The following SLC44A5 variants were observed in gnomAD, a reference collection of about 807,000 sequenced individuals.
The protein encoded by SLC44A5 is choline transporter-like protein 5.
SLC44A5 carries 57 observed loss-of-function variants against 101.8 expected under a neutral mutation model. The ratio of observed to expected loss-of-function variants is 0.56; its 90% CI spans 0.45 to 0.70. The LOEUF (loss-of-function observed/expected upper bound fraction) is 0.70, where lower values mean the gene tolerates loss of function less well. SLC44A5 is among the 30% of genes least tolerant of loss of function. SLC44A5 has a pLI of 0.00. For missense variants in SLC44A5, 737 were observed against 853.1 expected (o/e 0.86, Z 1.70); for synonymous variants, 281 against 290.9 (o/e 0.97, Z 0.35).
intron 19 of SLC44A5, 135 bp from the exon 20 acceptor site, chr1:75,214,813 G>A (rs1646929519): frequency 3.0e-6 from 2 of 662,936 alleles, no homozygotes; most frequent in South Asian, 4.1e-5. Context: ...TTTCTAATGT[G>A]TATTTGTGGG....
chr1:75,619,083 G>GC, the SLC44A5 span, among the ~76,000 whole-genome samples: 2 of 85,044 alleles, frequency 2.4e-5, no homozygotes, highest in Non-Finnish European at 4.8e-5. Context: ...AAAAAAAGGG[G>GC]GGGGGGAAGG....
chr1:75,688,924 T>A, the SLC44A5 span, among the ~76,000 whole-genome samples: 6 of 152,334 alleles, frequency 3.9e-5, no homozygotes, highest in East Asian at 5.8e-4. Flanking sequence ...AATGAGGCTG[T>A]AATTCCCTCA....
intron 3 of SLC44A5, among the ~76,000 whole-genome samples, chr1:75,389,170 C>G (rs1661618246): frequency 6.6e-6 from 1 of 152,202 alleles, no homozygotes; most frequent in South Asian, 2.1e-4. Flanking sequence ...CTGGAGCACT[C>G]AGATTCATAA....
intron 9 of SLC44A5, among the ~76,000 whole-genome samples, chr1:75,240,967 A>G (rs11162880): frequency 0.27 from 41,492 of 151,862 alleles, 5,867 homozygotes; most frequent in Middle Eastern, 0.34. Context: ...TTATAAGGAT[A>G]GTAACAGTTT....
the SLC44A5 span, among the ~76,000 whole-genome samples, chr1:75,656,289 C>T: frequency 6.6e-6 from 1 of 152,200 alleles, no homozygotes; most frequent in East Asian, 1.9e-4. Context: ...GAAATAGACA[C>T]TTACATGTAG....
intron 7 of SLC44A5, 107 bp from the exon 8 acceptor site, chr1:75,243,118 G>T (rs1470457646): frequency 2.3e-6 from 3 of 1,293,518 alleles, no homozygotes; most frequent in Admixed American, 2.8e-5. Context: ...GCAATGCACT[G>T]TTTTCCATCT....
intron 14 of SLC44A5, among the ~76,000 whole-genome samples, chr1:75,220,715 C>G (rs1647059960): frequency 6.6e-6 from 1 of 152,086 alleles, no homozygotes. Flanking sequence ...GCATATGACA[C>G]TGGATTAAAC....
chr1:75,304,947 C>A (rs1654790349), intron 4 of SLC44A5, among the ~76,000 whole-genome samples: 1 of 152,168 alleles, frequency 6.6e-6, no homozygotes, highest in African/African-American at 2.4e-5. Flanking sequence ...TGCCCACACC[C>A]CCATTTATCA....
At chr1:75,707,940 T>C in the SLC44A5 span, among the ~76,000 whole-genome samples, 1 of 152,118 alleles carries the variant, frequency 6.6e-6, no homozygotes, top group South Asian at 2.1e-4. Flanking sequence ...TGGGAAGAAA[T>C]TGCTATTGAT....
chr1:75,633,902 C>A, the SLC44A5 span, among the ~76,000 whole-genome samples: 1 of 152,070 alleles, frequency 6.6e-6, no homozygotes, highest in Non-Finnish European at 1.5e-5. Context: ...CCCATCAATA[C>A]CTAATTTATT....
Position 75,242,921 on chromosome 1 carries a change from G to C in SLC44A5, c.436C>G (p.Arg146Gly). ...TKDKSYWEDY[R>G]QFCKTTAKPV... ...TTAGCAGTGGTCTTACAGAACTGAC[G>C]GTAGTCTTCCCAGTAGCTTTTGTCT... Residue 146 changes from arginine to glycine, a missense_variant, in exon 8 of 24, where the codon CGT (arginine) becomes GGT (glycine). By Grantham distance (125) the Arg-to-Gly change is moderately radical. Coordinates refer to ENST00000370859, the MANE Select transcript of SLC44A5 (RefSeq NM_001130058.2). 1 of 1,611,802 alleles carries C rather than the reference G, an allele frequency of 6.2e-7. No individual in the cohort carries two copies. The highest frequency in any genetic ancestry group is 8.5e-7 in the Non-Finnish European group (1 of 1,178,876).
At chr1:75,576,887 T>C (rs1673398325) in intron 1 of SLC44A5, among the ~76,000 whole-genome samples, 1 of 152,168 alleles carries the variant, frequency 6.6e-6, no homozygotes, top group Non-Finnish European at 1.5e-5. Flanking sequence ...ATCAGGACAA[T>C]ACTGGGAATT....
intron 3 of SLC44A5, among the ~76,000 whole-genome samples, chr1:75,387,117 A>C (rs1265500280): frequency 6.6e-6 from 1 of 152,124 alleles, no homozygotes; most frequent in Non-Finnish European, 1.5e-5. Flanking sequence ...CTAGAAGAAA[A>C]CCTAGGCATT....
the SLC44A5 span, among the ~76,000 whole-genome samples, chr1:75,712,338 T>C: frequency 6.6e-6 from 1 of 152,188 alleles, no homozygotes; most frequent in Non-Finnish European, 1.5e-5. Context: ...GTGACATACC[T>C]CCTAAGGGCC....
chr1:75,658,974 T>A, the SLC44A5 span, among the ~76,000 whole-genome samples: 1 of 151,916 alleles, frequency 6.6e-6, no homozygotes, highest in African/African-American at 2.4e-5. Flanking sequence ...ATATAAAGGA[T>A]CATTAGAAAC....
At chr1:75,567,521 T>A (rs932185329) in intron 1 of SLC44A5, among the ~76,000 whole-genome samples, 5 of 152,286 alleles carry the variant, frequency 3.3e-5, no homozygotes, top group African/African-American at 1.2e-4. Flanking sequence ...AAAATTCATA[T>A]AGGATGGCCT....
intron 1 of SLC44A5, among the ~76,000 whole-genome samples, chr1:75,576,337 G>C (rs758263528): frequency 1.3e-5 from 2 of 151,710 alleles, no homozygotes; most frequent in Non-Finnish European, 2.9e-5. Flanking sequence ...CTTTTTGAGA[G>C]GAAGTCTTGC....
chr1:75,206,590 C>T (rs1220590722), intron 23 of SLC44A5: 2 of 1,453,032 alleles, frequency 1.4e-6, no homozygotes, highest in Non-Finnish European at 1.9e-6. Flanking sequence ...AAATGAGTGA[C>T]ACTGTTTGGA....
At chr1:75,340,092 C>G (rs1201731872) in intron 3 of SLC44A5, among the ~76,000 whole-genome samples, 3 of 152,150 alleles carry the variant, frequency 2.0e-5, no homozygotes, top group African/African-American at 7.2e-5. Flanking sequence ...ATACTAGGTA[C>G]TGTTGGTCTC....
Sources: gnomAD v4.1 joint callset for allele counts (sites outside exome capture counted in the v4.1 genomes callset) on GRCh38, gnomAD v4.1.1 for gene constraint, MANE v1.5 for transcripts, NCBI Gene and HGNC (gene_info 2026-07-23, HGNC 2026-07-21) for gene names.